Variants in MAML2 observed in about 807,000 individuals in gnomAD.
MAML2 encodes the protein mastermind-like protein 2.
MAML2 carries 22 observed loss-of-function variants against 96.1 expected under a neutral mutation model. That is an observed-to-expected ratio of 0.23 (90% CI 0.16 to 0.33). The LOEUF is 0.33. MAML2 is among the 10% of genes least tolerant of loss of function. MAML2 has a pLI of 1.00. For missense variants in MAML2, 1,367 were observed against 1,392.4 expected (o/e 0.98, Z 0.29); for synonymous variants, 561 against 521.3 (o/e 1.08, Z -1.04).
At chr11:96,309,769 C>T (rs1168633301) in intron 1 of MAML2, among the ~76,000 whole-genome samples, 1 of 150,372 alleles carries the variant, frequency 6.7e-6, no homozygotes. Context: ...GCAGTCACGG[C>T]TTACTGAGGT....
intron 1 of MAML2, among the ~76,000 whole-genome samples, chr11:96,304,924 G>A (rs912967819): frequency 3.3e-5 from 5 of 152,088 alleles, no homozygotes; most frequent in East Asian, 1.9e-4. Flanking sequence ...GAAAAATTCC[G>A]AAGTCCTATA....
In MAML2 at chr11:95,991,716, T is replaced by C. The variant is rs769142899; in HGVS notation, c.2147A>G (p.His716Arg). ...QVSQQQRQDQHSVVGQNTGPS... is the reference protein window; with the variant it reads ...QVSQQQRQDQRSVVGQNTGPS... ...GCCTGTGTTCTGGCCTACCACAGAGTGTTGATCCTAAAGAAGAGAAAGGGG... is the reference window on the plus strand; with the variant it reads ...GCCTGTGTTCTGGCCTACCACAGAGCGTTGATCCTAAAGAAGAGAAAGGGG... The change falls in exon 3 of 5, where the codon CAC (histidine) becomes CGC (arginine). Residue 716 changes from histidine to arginine, a missense_variant. Transcript: ENST00000524717. The C allele has an allele frequency of 3.1e-6, 5 of 1,612,996 alleles. No individual in the cohort carries two copies. In the African/African-American group the frequency reaches 6.7e-5, roughly 22 times the overall value.
chr11:96,012,563 G>C (rs1590961307), intron 2 of MAML2, among the ~76,000 whole-genome samples: 1 of 152,148 alleles, frequency 6.6e-6, no homozygotes, highest in East Asian at 1.9e-4. Context: ...CTTTTATTCT[G>C]AGCCTGGCAG....
intron 1 of MAML2, among the ~76,000 whole-genome samples, chr11:96,119,050 A>G (rs1860292699): frequency 6.6e-6 from 1 of 152,098 alleles, no homozygotes; most frequent in South Asian, 2.1e-4. Context: ...TATGTCCATT[A>G]CTGCATTTGA....
intron 1 of MAML2, among the ~76,000 whole-genome samples, chr11:96,312,556 C>CA (rs1351670787): frequency 6.6e-6 from 1 of 152,138 alleles, no homozygotes; most frequent in Non-Finnish European, 1.5e-5. Context: ...TTTAAGTAAG[C>CA]AAATTTGAAC....
chr11:95,997,208 G>T (rs2186770), intron 2 of MAML2, among the ~76,000 whole-genome samples: 2 of 151,896 alleles, frequency 1.3e-5, no homozygotes, highest in African/African-American at 4.8e-5. Flanking sequence ...AATAGGTTTC[G>T]CATCCAATCC....
chr11:96,339,607 A>G (rs1863964802), intron 1 of MAML2, among the ~76,000 whole-genome samples: 1 of 152,186 alleles, frequency 6.6e-6, no homozygotes, highest in Non-Finnish European at 1.5e-5. Flanking sequence ...CGGGTGCCTC[A>G]CTTGCGGTTC....
At chr11:96,077,772 G>A (rs567186748) in intron 2 of MAML2, among the ~76,000 whole-genome samples, 89 of 152,274 alleles carry the variant, frequency 5.8e-4, no homozygotes, top group Middle Eastern at 3.4e-3. Context: ...TGGCTGCAGC[G>A]GTGGTGGGCC....
intron 1 of MAML2, among the ~76,000 whole-genome samples, chr11:96,179,631 C>T (rs908691048): frequency 6.6e-6 from 1 of 152,104 alleles, no homozygotes; most frequent in African/African-American, 2.4e-5. Flanking sequence ...CTTCTGGCCA[C>T]AAAACAAAAA....
At chr11:96,274,337 C>CT (rs1190857796) in intron 1 of MAML2, among the ~76,000 whole-genome samples, 1 of 152,112 alleles carries the variant, frequency 6.6e-6, no homozygotes, top group East Asian at 1.9e-4. Context: ...CCACCTCGGC[C>CT]TTCCAAAGTA....
chr11:96,237,656 A>G (rs1862382817), intron 1 of MAML2, among the ~76,000 whole-genome samples: 1 of 152,210 alleles, frequency 6.6e-6, no homozygotes, highest in Non-Finnish European at 1.5e-5. Flanking sequence ...GTCACAGGCA[A>G]CTGCAGACCA....
chr11:96,013,631 G>A (rs954187384), intron 2 of MAML2, among the ~76,000 whole-genome samples: 1 of 152,250 alleles, frequency 6.6e-6, no homozygotes, highest in East Asian at 1.9e-4. Context: ...TAGACACAAA[G>A]GCAGCCAGAC....
intron 1 of MAML2, among the ~76,000 whole-genome samples, chr11:96,159,477 A>T (rs1591046253): frequency 1.3e-5 from 1 of 77,082 alleles, no homozygotes; most frequent in East Asian, 5.0e-4. Flanking sequence ...CAGTGGTGCG[A>T]TCTCGGCTGC....
chr11:96,094,304 C>G (rs1041258113), intron 1 of MAML2, among the ~76,000 whole-genome samples: 2 of 152,216 alleles, frequency 1.3e-5, no homozygotes, highest in African/African-American at 4.8e-5. Context: ...AAACTGAGCT[C>G]AAGTGCCAAT....
At chr11:96,158,065 ATT>A (rs2135885354) in intron 1 of MAML2, among the ~76,000 whole-genome samples, 1 of 152,280 alleles carries the variant, frequency 6.6e-6, no homozygotes, top group Admixed American at 6.5e-5. Flanking sequence ...TATAAATCAT[ATT>A]TCCTGTTCTC....
Position 95,978,314 on chromosome 11 carries a change from C to G in MAML2, c.*634G>C, listed in dbSNP as rs924198222. ...TTGTTTAATCACTAGACACAGCATC[C>G]CACTGAAGTAGAGGATTGTGGGAAA... On this transcript the variant is annotated 3_prime_UTR_variant, in exon 5 of 5. Transcript: ENST00000524717. 5.0e-6 allele frequency: 1 copy of G among 199,436 alleles called. No individual in the cohort carries two copies. Among genetic ancestry groups the G allele is most frequent in the Admixed American group, 6.0e-5 (1 of 16,552 alleles). The allele number at this position is 199,436 out of a possible 1,614,324, so 12.4% of individuals were successfully genotyped here. A position where few individuals can be genotyped will look rare whatever the true frequency, so the allele number is the denominator to read the frequency against.
At chr11:96,281,537 A>G (rs1026584406) in intron 1 of MAML2, among the ~76,000 whole-genome samples, 1 of 152,040 alleles carries the variant, frequency 6.6e-6, no homozygotes, top group Non-Finnish European at 1.5e-5. Flanking sequence ...AAAAGGAATA[A>G]TAGTTTTTTT....
chr11:96,202,011 G>A (rs954036795), intron 1 of MAML2, among the ~76,000 whole-genome samples: 1 of 151,126 alleles, frequency 6.6e-6, no homozygotes, highest in East Asian at 2.0e-4. Context: ...CTACCATTGT[G>A]GATGAAGTAG....
intron 2 of MAML2, among the ~76,000 whole-genome samples, chr11:96,039,741 T>A (rs1347229040): frequency 6.6e-6 from 1 of 151,874 alleles, no homozygotes; most frequent in African/African-American, 2.4e-5. Context: ...GGTCAGGAGA[T>A]CGAGACCATC....
Sources: gnomAD v4.1 joint callset for allele counts (sites outside exome capture counted in the v4.1 genomes callset) on GRCh38, gnomAD v4.1.1 for gene constraint, MANE v1.5 for transcripts, NCBI Gene and HGNC (gene_info 2026-07-23, HGNC 2026-07-21) for gene names.